Variants in GPM6A observed in about 807,000 individuals in gnomAD.
GPM6A encodes neuronal membrane glycoprotein M6-a.
A neutral mutation model predicts 32.1 loss-of-function variants in GPM6A; 7 were observed. That is an observed-to-expected ratio of 0.22 (90% CI 0.12 to 0.41). GPM6A has a LOEUF of 0.41. Among genes scored for constraint, GPM6A ranks in the 10% least tolerant of loss-of-function variants. The pLI is 1.00. For missense variants in GPM6A, 235 were observed against 347.2 expected (o/e 0.68, Z 2.57); for synonymous variants, 130 against 123.4 (o/e 1.05, Z -0.35).
chr4:175,646,204 C>G (rs75604819), intron 4 of GPM6A, among the ~76,000 whole-genome samples: 3,231 of 152,264 alleles, frequency 0.021, 43 homozygotes, highest in Non-Finnish European at 0.033. Flanking sequence ...GAATACCAAA[C>G]AGAGGCTTAG....
chr4:175,933,173 TC>T (rs767947227), intron 1 of GPM6A, among the ~76,000 whole-genome samples: 1 of 151,364 alleles, frequency 6.6e-6, no homozygotes, highest in East Asian at 1.9e-4. Flanking sequence ...ATGGAATACT[TC>T]AAAAAAAAAC....
chr4:175,728,650 A>T (rs1199371747), intron 1 of GPM6A, among the ~76,000 whole-genome samples: 1 of 151,962 alleles, frequency 6.6e-6, no homozygotes, highest in African/African-American at 2.4e-5. Context: ...TCAACTTCCC[A>T]CCTATCCCTT....
intron 1 of GPM6A, among the ~76,000 whole-genome samples, chr4:175,819,300 C>T (rs1213180984): frequency 6.6e-6 from 1 of 152,116 alleles, no homozygotes; most frequent in Admixed American, 6.6e-5. Flanking sequence ...AAAGAATAAA[C>T]TTTATAGCTC....
chr4:175,742,609 G>C (rs528105877), intron 1 of GPM6A, among the ~76,000 whole-genome samples: 17 of 151,964 alleles, frequency 1.1e-4, no homozygotes, highest in Non-Finnish European at 1.5e-5. Flanking sequence ...TTTAAGGCTC[G>C]GTTACTGGGT....
intron 1 of GPM6A, among the ~76,000 whole-genome samples, chr4:175,764,650 T>C (rs983402190): frequency 2.0e-5 from 3 of 152,078 alleles, no homozygotes; most frequent in Non-Finnish European, 4.4e-5. Context: ...CAATGAACTA[T>C]GAAACTCACT....
chr4:175,876,627 A>G (rs78319998), intron 1 of GPM6A, among the ~76,000 whole-genome samples: 1 of 152,226 alleles, frequency 6.6e-6, no homozygotes, highest in East Asian at 1.9e-4. Flanking sequence ...CCACCTAAGA[A>G]GATCACACTA....
intron 1 of GPM6A, among the ~76,000 whole-genome samples, chr4:175,818,142 C>G (rs1049378878): frequency 6.6e-6 from 1 of 152,182 alleles, no homozygotes; most frequent in Non-Finnish European, 1.5e-5. Flanking sequence ...TAGGATAGAA[C>G]TGGCTGGAAA....
At chr4:175,971,605 G>A (rs769100545) in intron 1 of GPM6A, among the ~76,000 whole-genome samples, 15 of 152,110 alleles carry the variant, frequency 9.9e-5, no homozygotes, top group Non-Finnish European at 1.5e-4. Flanking sequence ...GGCATCAGGG[G>A]AGCCAACTGA....
intron 1 of GPM6A, among the ~76,000 whole-genome samples, chr4:175,914,132 G>A (rs997508308): frequency 6.6e-6 from 1 of 151,296 alleles, no homozygotes; most frequent in Non-Finnish European, 1.5e-5. Context: ...GTGGGCAGGA[G>A]GGGAAAGAGA....
intron 1 of GPM6A, among the ~76,000 whole-genome samples, chr4:175,823,795 T>C (rs547118350): frequency 6.6e-6 from 1 of 152,314 alleles, no homozygotes; most frequent in South Asian, 2.1e-4. Flanking sequence ...TTAGGTAACC[T>C]AAAAATTCTT....
intron 1 of GPM6A, chr4:175,891,396 A>G (rs1320328079): frequency 6.6e-6 from 1 of 152,216 alleles, no homozygotes; most frequent in Non-Finnish European, 1.5e-5. Flanking sequence ...TAATAGAATT[A>G]CTTCTGCTTC....
chr4:175,662,752 T>C (rs1358484145), intron 3 of GPM6A, among the ~76,000 whole-genome samples: 1 of 152,040 alleles, frequency 6.6e-6, no homozygotes, highest in African/African-American at 2.4e-5. Context: ...GATATAGATA[T>C]ATGGATAGAT....
intron 2 of GPM6A, among the ~76,000 whole-genome samples, chr4:175,682,840 G>T (rs1032745580): frequency 6.6e-6 from 1 of 152,180 alleles, no homozygotes; most frequent in South Asian, 2.1e-4. Flanking sequence ...AAGCCTGGGT[G>T]CCCAGGAGGA....
At chr4:175,953,197 G>A (rs903689405) in intron 1 of GPM6A, among the ~76,000 whole-genome samples, 3 of 152,016 alleles carry the variant, frequency 2.0e-5, no homozygotes, top group Non-Finnish European at 4.4e-5. Context: ...TCAAAGGGCA[G>A]GGAAATTTTA....
At chr4:175,825,060 C>T (rs190347776) in intron 1 of GPM6A, among the ~76,000 whole-genome samples, 2 of 152,148 alleles carry the variant, frequency 1.3e-5, no homozygotes, top group South Asian at 2.1e-4. Flanking sequence ...GTATAAATTT[C>T]TAGATACTTT....
At chr4:175,669,349 G>C (rs550272681) in intron 3 of GPM6A, among the ~76,000 whole-genome samples, 3 of 152,182 alleles carry the variant, frequency 2.0e-5, no homozygotes, top group East Asian at 3.9e-4. Context: ...AATAGAATAA[G>C]GGTTGAAAAT....
At chr4:175,929,937 T>G (rs1330106627) in intron 1 of GPM6A, among the ~76,000 whole-genome samples, 1 of 152,138 alleles carries the variant, frequency 6.6e-6, no homozygotes, top group Non-Finnish European at 1.5e-5. Context: ...TTGGGACTAT[T>G]TAAACCAAAC....
At chr4:175,678,526 T>A (rs1009508254) in intron 2 of GPM6A, among the ~76,000 whole-genome samples, 2 of 152,146 alleles carry the variant, frequency 1.3e-5, no homozygotes, top group Non-Finnish European at 2.9e-5. Flanking sequence ...AAAGAATGCA[T>A]GAAATAGGAT....
At position 175,684,063 on chromosome 4, in the gene GPM6A, T is replaced by G. The variant is rs528708437; in HGVS notation, c.231-10227A>C. Among the ~76,000 whole-genome samples the G allele has an allele frequency of 2.6e-5, 4 of 152,218 alleles. No homozygotes were observed. The East Asian group carries it at 5.8e-4, about 22-fold the overall frequency. Reference sequence around the variant, plus strand: ...CCAGGCTGGTCTCAAACTCCTGACCTCGTGATCCACCTGCCTCTGCCTCCC... The same window carrying G: ...CCAGGCTGGTCTCAAACTCCTGACCGCGTGATCCACCTGCCTCTGCCTCCC... On this transcript the variant is annotated intron_variant, in intron 2 of 6. Coordinates refer to ENST00000393658, the MANE Select transcript of GPM6A (RefSeq NM_201591.3).
Sources: allele counts gnomAD v4.1 joint callset (sites outside exome capture counted in the v4.1 genomes callset), GRCh38; gene constraint gnomAD v4.1.1; transcripts MANE v1.5; gene names NCBI Gene and HGNC (gene_info 2026-07-23, HGNC 2026-07-21).